EPHA8: variants seen among roughly 807,000 people sequenced by gnomAD.
EPHA8 encodes EPH receptor A8.
A neutral mutation model predicts 103.6 loss-of-function variants in EPHA8; 58 were observed. The observed-to-expected ratio is 0.56, with a 90% CI of 0.45 to 0.70. EPHA8 has a LOEUF of 0.70. Among genes scored for constraint, EPHA8 ranks in the 30% least tolerant of loss-of-function variants. The pLI is 0.00. For synonymous variants in EPHA8, 559 were observed against 572.5 expected (o/e 0.98, Z 0.34); for missense variants, 1,304 against 1,395.2 (o/e 0.93, Z 1.04).
chr1:22,585,057 G>GCT (rs1641164245), intron 3 of EPHA8, among the ~76,000 whole-genome samples: 3 of 150,724 alleles, frequency 2.0e-5, no homozygotes, highest in Non-Finnish European at 4.4e-5. Context: ...GTGTGCGCAC[G>GCT]CGTGTGTCTA....
rs1257057563 is a variant in EPHA8 at position 22,589,020 on chromosome 1, G to T, written c.1129G>T (p.Glu377Ter). ...RRCPWALSRC[E>*]ACGSGTRFVP... ...CTGCCCCTGGGCACTGAGCCGCTGC[G>T]AGGCATGTGGGAGCGGCACCCGCTT... The change falls in exon 5 of 17, where the codon GAG becomes TAG. Residue 377 changes from glutamate (E) to a stop codon, truncating the protein, a stop_gained. Coordinates refer to ENST00000166244, the MANE Select transcript of EPHA8 (RefSeq NM_020526.5). LOFTEE classifies it high-confidence loss of function. The surrounding 1 kb of genome is among the most constrained non-coding windows in gnomAD (Gnocchi z 4.3). 6.2e-7 allele frequency: 1 copy of T among 1,612,802 alleles called. No homozygotes were observed.
rs1041466442 is a variant in EPHA8 at position 22,567,706 on chromosome 1, C to T, written c.95-1583C>T. Among the ~76,000 whole-genome samples the T allele has an allele frequency of 6.6e-6, 1 of 152,166 alleles. No individual in the cohort carries two copies. The highest frequency in any genetic ancestry group is 2.1e-4 in the South Asian group (1 of 4,826). On this transcript the variant is annotated intron_variant, in intron 1 of 16. Transcript: ENST00000166244. The surrounding 1 kb of genome is among the most constrained non-coding windows in gnomAD (Gnocchi z 4.2). ...TCCTGAGGACACTTGTCTCTGTCTT[C>T]GAGGGGCAGGCTTAGAGCTATGCAA...
chr1:22,580,994 C>G (rs1641030749), intron 3 of EPHA8, among the ~76,000 whole-genome samples: 1 of 152,228 alleles, frequency 6.6e-6, no homozygotes, highest in South Asian at 2.1e-4. Context: ...TAATAATTAT[C>G]CATTCTGCTG....
intron 3 of EPHA8, 43 bp from the exon 4 acceptor site, chr1:22,586,437 G>T (rs769097532): frequency 1.9e-6 from 3 of 1,602,214 alleles, no homozygotes; most frequent in Non-Finnish European, 2.6e-6. Context: ...GGCCAGCCAG[G>T]GTGGCCCTGC....
chr1:22,569,836 C>T lies in EPHA8; in HGVS notation c.159+483C>T, dbSNP rs557728746. Among the ~76,000 whole-genome samples, 6 of 152,154 alleles carry T rather than the reference C, an allele frequency of 3.9e-5. No homozygotes were observed. Among genetic ancestry groups the T allele is most frequent in the African/African-American group, 9.7e-5 (4 of 41,434 alleles). On this transcript the variant is annotated intron_variant, in intron 2 of 16. Transcript: ENST00000166244. This position sits in a 1 kb window ranked among gnomAD's most constrained non-coding sequence, Gnocchi z 4.5. ...CGCTGTGGGTCATGTGCTCACAGGC[C>T]GTGCCCCCATCCTCCTGGGGAAGGG... is the stretch of plus-strand genomic sequence containing the variant.
intron 9 of EPHA8, among the ~76,000 whole-genome samples, 195 bp downstream of exon 9, chr1:22,596,368 C>A (rs1216209531): frequency 6.6e-6 from 1 of 152,214 alleles, no homozygotes; most frequent in South Asian, 2.1e-4. Context: ...GACTCTCAGA[C>A]CCCATTCAGG....
chr1:22,568,515 G>C (rs75639127), intron 1 of EPHA8, among the ~76,000 whole-genome samples: 11,719 of 152,310 alleles, frequency 0.077, 484 homozygotes, highest in South Asian at 0.19. Context: ...CACATTCCCG[G>C]ACCTCCCTGA....
In EPHA8 at chr1:22,598,007, G is replaced by T. The variant is rs1641571695; in HGVS notation, c.2117-144G>T. ...CCCTGAATGACTCGGGGTGCCCAGA[G>T]CCTGGGACCCCAGTGGAAACCCAAG... On this transcript the variant is annotated intron_variant, in intron 11 of 16. Coordinates refer to ENST00000166244, the MANE Select transcript of EPHA8 (RefSeq NM_020526.5). The surrounding 1 kb of genome is among the most constrained non-coding windows in gnomAD (Gnocchi z 5.1). The T allele has an allele frequency of 1.4e-6, 2 of 1,422,820 alleles. No individual in the cohort carries two copies. The highest frequency in any genetic ancestry group is 2.0e-6 in the Non-Finnish European group (2 of 1,021,726). The allele number at this position is 1,422,820 out of a possible 1,614,324, so 88.1% of individuals were successfully genotyped here.
In EPHA8 at chr1:22,603,286, T is replaced by A. The variant is rs1271273260; in HGVS notation, c.*1545T>A. ...CCCATCCAGGTGCCGCGGCCAGCTC[T>A]CTACACCTCTATATATTATATTACT... is the stretch of plus-strand genomic sequence containing the variant. On this transcript the variant is annotated 3_prime_UTR_variant, in exon 17 of 17. Coordinates refer to ENST00000166244, the MANE Select transcript of EPHA8 (RefSeq NM_020526.5). 6.6e-6 allele frequency: 1 copy of A among 152,466 alleles called. No homozygotes were observed. Among genetic ancestry groups the A allele is most frequent in the African/African-American group, 2.4e-5 (1 of 41,394 alleles). The allele number at this position is 152,466 out of a possible 1,614,324, so 9.4% of individuals were successfully genotyped here.
chr1:22,590,448 A>C (rs1444752956), intron 5 of EPHA8, among the ~76,000 whole-genome samples: 2 of 151,648 alleles, frequency 1.3e-5, no homozygotes, highest in Non-Finnish European at 2.9e-5. Flanking sequence ...CCTCTGCGGG[A>C]CTTCTCCATG....
At chr1:22,600,534 G>A (rs1468704069) in intron 13 of EPHA8, 127 bp from the exon 14 acceptor site, 15 of 1,283,692 alleles carry the variant, frequency 1.2e-5, no homozygotes, top group Admixed American at 6.5e-5. Flanking sequence ...GCTCTGGGAC[G>A]GTGGGGGCTG....
Position 22,601,037 on chromosome 1 carries a change from A to C in EPHA8, c.2678A>C (p.Asp893Ala). The stretch of plus-strand genomic sequence containing the variant: ...TTCTCCCAGATTGTCAGTGTCCTCG[A>C]TGCGCTCATCCGCAGCCCTGAGAGT... ...PRFSQIVSVL[D>A]ALIRSPESLR... Residue 893 changes from aspartate to alanine, a missense_variant, in exon 15 of 17, where the codon GAT (aspartate) becomes GCT (alanine). Coordinates refer to ENST00000166244, the MANE Select transcript of EPHA8 (RefSeq NM_020526.5). The C allele has an allele frequency of 6.2e-7, 1 of 1,612,584 alleles. No homozygotes were observed. Among genetic ancestry groups the C allele is most frequent in the Non-Finnish European group, 8.5e-7 (1 of 1,179,814 alleles).
intron 3 of EPHA8, among the ~76,000 whole-genome samples, chr1:22,579,534 C>T (rs752070894): frequency 6.6e-6 from 1 of 152,178 alleles, no homozygotes; most frequent in Admixed American, 6.5e-5. Flanking sequence ...GGAGTCTGTG[C>T]AGCCAGGCAC....
At chr1:22,590,907 A>G (rs1263195521) in intron 5 of EPHA8, among the ~76,000 whole-genome samples, 1 of 152,048 alleles carries the variant, frequency 6.6e-6, no homozygotes, top group African/African-American at 2.4e-5. Context: ...TGGCACCTCC[A>G]GACCCAAGCT....
rs1640256807 is a variant in EPHA8, at chr1:22,563,542, G to C, written c.-94G>C. On this transcript the variant is annotated 5_prime_UTR_variant, in exon 1 of 17. Coordinates refer to ENST00000166244, the MANE Select transcript of EPHA8 (RefSeq NM_020526.5). The surrounding 1 kb of genome is among the most constrained non-coding windows in gnomAD (Gnocchi z 4.4). ...GGGTGTGCGCCCGGCCGGGTGTGCG[G>C]AGAGCGAGGGAGCGCGCTCCCTCCC... is the stretch of plus-strand genomic sequence containing the variant. 6.8e-6 allele frequency: 1 copy of C among 146,346 alleles called. No homozygotes were observed. Among genetic ancestry groups the C allele is most frequent in the Admixed American group, 6.8e-5 (1 of 14,700 alleles). The allele number at this position is 146,346 out of a possible 1,614,324, so 9.1% of individuals were successfully genotyped here.
chr1:22,565,378 G>A (rs1640328523), intron 1 of EPHA8, among the ~76,000 whole-genome samples: 2 of 152,236 alleles, frequency 1.3e-5, no homozygotes, highest in South Asian at 4.1e-4. Context: ...GGTTCCCGGG[G>A]CACCAGGAGA....
rs1166522062 is a variant in EPHA8, at chr1:22,597,823, A to G, written c.2078A>G (p.His693Arg). 6.2e-7 allele frequency: 1 copy of G among 1,612,742 alleles called. No individual in the cohort carries two copies. Among genetic ancestry groups the G allele is most frequent in the South Asian group, 1.1e-5 (1 of 91,058 alleles). Reference sequence around the variant, plus strand: ...GCGTCCATCATGGGGCAATTCGACCATCCCAACATCATCCGCCTCGAGGGT... The same window carrying G: ...GCGTCCATCATGGGGCAATTCGACCGTCCCAACATCATCCGCCTCGAGGGT... Reference protein sequence around the residue: ...SEASIMGQFDHPNIIRLEGVV... With the variant: ...SEASIMGQFDRPNIIRLEGVV... The change falls in exon 11 of 17, where the codon CAT (histidine) becomes CGT (arginine). Residue 693 changes from histidine (H) to arginine (R), a missense_variant. Transcript: ENST00000166244. The surrounding 1 kb of genome is among the most constrained non-coding windows in gnomAD (Gnocchi z 4.6).
chr1:22,578,226 ATGTGTGTATGTGTGCATG>A (rs1212303800), intron 3 of EPHA8, among the ~76,000 whole-genome samples: 2 of 91,016 alleles, frequency 2.2e-5, no homozygotes, highest in African/African-American at 8.8e-5. Context: ...GTGAGTGTGC[ATGTGTGTATGTGTGCATG>A]TGTGTGTCTG....
At chr1:22,593,297 C>A in intron 5 of EPHA8, 29 bp from the exon 6 acceptor site, 1 of 1,546,450 alleles carries the variant, frequency 6.5e-7, no homozygotes, top group Non-Finnish European at 8.8e-7. Flanking sequence ...GTCTCCCCTC[C>A]GCCCATCTGA....
Sources: gnomAD v4.1 joint callset for allele counts (sites outside exome capture counted in the v4.1 genomes callset) on GRCh38, gnomAD v4.1.1 for gene constraint, Gnocchi (gnomAD v3.1) non-coding constraint, MANE v1.5 for transcripts, NCBI Gene and HGNC (gene_info 2026-07-23, HGNC 2026-07-21) for gene names.